Variants in MBTPS1 observed in about 807,000 individuals in gnomAD.
MBTPS1 encodes membrane bound transcription factor peptidase, site 1, also known as membrane-bound transcription factor site-1 protease.
Under a neutral mutation model 127.8 loss-of-function variants are expected in MBTPS1, and 94 were observed. The observed-to-expected ratio is 0.74, with a 90% CI of 0.62 to 0.87. The LOEUF is 0.87. Ranked by LOEUF, MBTPS1 falls within the 40% of genes least tolerant of loss-of-function variation. MBTPS1 has a pLI of 0.00. For synonymous variants in MBTPS1, 632 were observed against 509.4 expected, an observed-to-expected ratio of 1.24 and a Z score of -3.24; for missense variants, 1,636 against 1,353.2, an observed-to-expected ratio of 1.21 and a Z score of -3.28.
rs2085822974 is a variant in MBTPS1 at position 84,074,550 on chromosome 16, T to A, written c.1593+47A>T. 1.9e-6 allele frequency: 3 copies of A among 1,597,084 alleles called. No individual in the cohort carries two copies. The South Asian group carries it at 3.4e-5, about 18-fold the overall frequency. The stretch of plus-strand genomic sequence containing the variant: ...CTATGGCCTAAAGGTCTGGGCTGTG[T>A]CTAAGTTCACCATCAAGTCAGAGAC... On this transcript the variant is annotated intron_variant, in intron 12 of 22. Transcript: ENST00000343411.
chr16:84,065,320 T>A (rs1035906417), intron 18 of MBTPS1, among the ~76,000 whole-genome samples: 2 of 152,180 alleles, frequency 1.3e-5, no homozygotes, highest in Non-Finnish European at 1.5e-5. Flanking sequence ...GGTTTCACTG[T>A]GTTAGCCAGG....
At chr16:84,059,171 T>A (rs1277043251) in intron 21 of MBTPS1, 131 bp downstream of exon 21, 1 of 1,225,630 alleles carries the variant, frequency 8.2e-7, no homozygotes, top group Non-Finnish European at 1.1e-6. Flanking sequence ...ACTAAATAAC[T>A]GTCGCAAATG....
At position 84,059,635 on chromosome 16, in the gene MBTPS1, G is replaced by C. The variant is rs184004875; in HGVS notation, c.2705-207C>G. 196 of 465,254 alleles carry C rather than the reference G, an allele frequency of 4.2e-4. 2 individuals carry two copies. The Admixed American group carries it at 6.4e-3, about 15-fold the overall frequency. The allele number at this position is 465,254 out of a possible 1,614,324, so 28.8% of individuals were successfully genotyped here. A position where few individuals can be genotyped will look rare whatever the true frequency, so the allele number is the denominator to read the frequency against. ...AATGTGTGTTTCCATTGCTGAAGGT[G>C]GGTGAGAAAATCAGAACCGTTCCCT... On this transcript the variant is annotated intron_variant, in intron 20 of 22. Coordinates refer to ENST00000343411, the MANE Select transcript of MBTPS1 (RefSeq NM_003791.4).
chr16:84,081,683 A>C, intron 11 of MBTPS1, 64 bp downstream of exon 11: 1 of 1,222,954 alleles, frequency 8.2e-7, no homozygotes, highest in East Asian at 2.8e-5. Flanking sequence ...TTTTGTGCAG[A>C]GGGAAAATTC....
At chr16:84,055,378 T>G (rs886473929) in intron 22 of MBTPS1, among the ~76,000 whole-genome samples, 1 of 152,140 alleles carries the variant, frequency 6.6e-6, no homozygotes, top group Non-Finnish European at 1.5e-5. Flanking sequence ...ATAAACTCTT[T>G]GGAAGAGTAC....
chr16:84,070,306 G>T (rs1360832938), intron 13 of MBTPS1, among the ~76,000 whole-genome samples: 5 of 152,202 alleles, frequency 3.3e-5, no homozygotes, highest in Non-Finnish European at 7.3e-5. Context: ...TTTAGAGAAT[G>T]TATATTTTTG....
At position 84,102,057 on chromosome 16, in the gene MBTPS1, C is replaced by T. The variant is rs906863403; in HGVS notation, c.-274G>A. 5.9e-6 allele frequency: 2 copies of T among 337,350 alleles called. No individual in the cohort carries two copies. Among genetic ancestry groups the T allele is most frequent in the Non-Finnish European group, 1.1e-5 (2 of 182,648 alleles). The allele number at this position is 337,350 out of a possible 1,614,324, so 20.9% of individuals were successfully genotyped here. ...GACTGAGTCCTGTACTCCATTTGTA[C>T]CACAGAACCAACGTCCAATGGGGTT... On this transcript the variant is annotated 5_prime_UTR_variant, in exon 2 of 23. Transcript: ENST00000343411.
chr16:84,063,529 A>G, intron 18 of MBTPS1, 84 bp from the exon 19 acceptor site: 1 of 1,127,734 alleles, frequency 8.9e-7, no homozygotes, highest in Non-Finnish European at 1.2e-6. Context: ...CCACGTGACA[A>G]ATAAACCACA....
intron 12 of MBTPS1, among the ~76,000 whole-genome samples, 183 bp from the exon 13 acceptor site, chr16:84,070,959 G>C (rs80318204): frequency 5.3e-5 from 8 of 152,112 alleles, no homozygotes; most frequent in Non-Finnish European, 1.0e-4. Context: ...GGACTGCCTC[G>C]GACGTATCAC....
At chr16:84,085,539 A>C (rs2086007865) in intron 9 of MBTPS1, among the ~76,000 whole-genome samples, 1 of 150,698 alleles carries the variant, frequency 6.6e-6, no homozygotes, top group Non-Finnish European at 1.5e-5. Flanking sequence ...TGGGCAACAC[A>C]GTGAGATCCT....
chr16:84,069,451 G>A (rs913308041), intron 14 of MBTPS1, among the ~76,000 whole-genome samples: 1 of 152,226 alleles, frequency 6.6e-6, no homozygotes, highest in African/African-American at 2.4e-5. Context: ...GTTGCCAGAA[G>A]AGGAGTGGAA....
chr16:84,069,523 G>T (rs1374002333), intron 14 of MBTPS1, among the ~76,000 whole-genome samples: 1 of 152,220 alleles, frequency 6.6e-6, no homozygotes. Flanking sequence ...CCAGGCAAGA[G>T]ATGACAATGG....
chr16:84,080,575 C>T (rs1268148894), intron 11 of MBTPS1, among the ~76,000 whole-genome samples: 1 of 152,252 alleles, frequency 6.6e-6, no homozygotes, highest in Non-Finnish European at 1.5e-5. Context: ...CAGGTCCTCA[C>T]ACGTCTGTGC....
intron 1 of MBTPS1, among the ~76,000 whole-genome samples, chr16:84,102,581 A>G (rs1210209005): frequency 2.0e-5 from 3 of 152,294 alleles, no homozygotes; most frequent in South Asian, 4.1e-4. Flanking sequence ...CAAAGAGAAG[A>G]AGGCATCAGG....
Position 84,099,094 on chromosome 16 carries a change from GT to G in MBTPS1, c.379del (p.Thr127ArgfsTer60). ...LEDHPNIKRV[T>X]PQRKVFRSLK... ...GGAACGAAAGACTTTTCGTTGGGGC[GT>G]GACCCGTTTGATGTTTGGATGATCT... On this transcript the variant is annotated frameshift_variant, in exon 3 of 23. Coordinates refer to ENST00000343411, the MANE Select transcript of MBTPS1 (RefSeq NM_003791.4). LOFTEE classifies it high-confidence loss of function. 2 of 1,614,166 alleles carry G rather than the reference GT, an allele frequency of 1.2e-6. No homozygotes were observed. Among genetic ancestry groups the G allele is most frequent in the Non-Finnish European group, 1.7e-6 (2 of 1,180,026 alleles).
intron 14 of MBTPS1, 76 bp from the exon 15 acceptor site, chr16:84,068,530 G>T: frequency 9.8e-7 from 1 of 1,018,416 alleles, no homozygotes. Context: ...CACAGGGCCG[G>T]CTCTGCAAGA....
At chr16:84,091,939 C>A in intron 6 of MBTPS1, 91 bp from the exon 7 acceptor site, 1 of 766,026 alleles carries the variant, frequency 1.3e-6, no homozygotes. Flanking sequence ...TTTAAAATTA[C>A]AAGTAGTTCT....
intron 11 of MBTPS1, among the ~76,000 whole-genome samples, chr16:84,081,269 C>G (rs1439762423): frequency 6.6e-6 from 1 of 152,206 alleles, no homozygotes; most frequent in African/African-American, 2.4e-5. Context: ...CAAAGCAGGG[C>G]CCAGGCCGGA....
chr16:84,101,948 G>A lies in MBTPS1; in HGVS notation c.-165C>T. The stretch of plus-strand genomic sequence containing the variant: ...AAAGTTAAATCCCATGGCCTTTTGT[G>A]GTTCAGCCTGAAGAGAGGCTTTCAT... On this transcript the variant is annotated 5_prime_UTR_variant, in exon 2 of 23. Coordinates refer to ENST00000343411, the MANE Select transcript of MBTPS1 (RefSeq NM_003791.4). 1.6e-6 allele frequency: 1 copy of A among 624,056 alleles called. No homozygotes were observed. Among genetic ancestry groups the A allele is most frequent in the Non-Finnish European group, 2.8e-6 (1 of 357,482 alleles). 38.7% of individuals were successfully genotyped at this position (624,056 alleles called of 1,614,324 possible). A position where few individuals can be genotyped will look rare whatever the true frequency, so the allele number is the denominator to read the frequency against.
Sources: allele counts gnomAD v4.1 joint callset (sites outside exome capture counted in the v4.1 genomes callset), GRCh38; gene constraint gnomAD v4.1.1; transcripts MANE v1.5; gene names NCBI Gene and HGNC (gene_info 2026-07-23, HGNC 2026-07-21).